The following GRIN2A variants were observed in gnomAD, a reference collection of about 807,000 sequenced individuals.
The protein encoded by GRIN2A is glutamate receptor ionotropic, NMDA 2A.
A neutral mutation model predicts 113.4 loss-of-function variants in GRIN2A; 22 were observed. The ratio of observed to expected loss-of-function variants is 0.19; its 90% CI spans 0.14 to 0.28. The LOEUF is 0.28. Among genes scored for constraint, GRIN2A ranks in the 10% least tolerant of loss-of-function variants. The probability of loss-of-function intolerance (pLI) is 1.00; values close to 1 mark genes in which losing one functional copy is unlikely to be tolerated. For missense variants in GRIN2A, 1,502 were observed against 1,887.0 expected, an observed-to-expected ratio of 0.80 and a Z score of 3.78; for synonymous variants, 827 against 738.4, an observed-to-expected ratio of 1.12 and a Z score of -1.94.
chr16:9,823,297 G>C (rs766594312), intron 9 of GRIN2A, among the ~76,000 whole-genome samples: 1 of 152,130 alleles, frequency 6.6e-6, no homozygotes, highest in Non-Finnish European at 1.5e-5. Context: ...GCAGGAGCTC[G>C]AACTGGCTGG....
At chr16:10,162,239 T>G (rs2049821453) in intron 2 of GRIN2A, among the ~76,000 whole-genome samples, 1 of 152,174 alleles carries the variant, frequency 6.6e-6, no homozygotes, top group Non-Finnish European at 1.5e-5. Context: ...GGAGCCCACA[T>G]GAGAAGAACA....
At chr16:10,137,348 G>A (rs1012954394) in intron 2 of GRIN2A, among the ~76,000 whole-genome samples, 1 of 152,128 alleles carries the variant, frequency 6.6e-6, no homozygotes, top group Admixed American at 6.5e-5. Flanking sequence ...TTGAAAGCAG[G>A]CCTGACTCTA....
At chr16:10,027,377 CT>C (rs536699857) in intron 2 of GRIN2A, among the ~76,000 whole-genome samples, 33 of 152,302 alleles carry the variant, frequency 2.2e-4, no homozygotes, top group African/African-American at 7.7e-4. Context: ...ATGTCCCCCC[CT>C]GCCAGTGCTC....
intron 2 of GRIN2A, among the ~76,000 whole-genome samples, chr16:10,121,074 A>G (rs1395108010): frequency 6.6e-6 from 1 of 152,162 alleles, no homozygotes; most frequent in East Asian, 1.9e-4. Flanking sequence ...GACTGGATAT[A>G]CTTTCATCGG....
chr16:9,833,317 A>G (rs764736916), intron 8 of GRIN2A, among the ~76,000 whole-genome samples: 18 of 152,212 alleles, frequency 1.2e-4, no homozygotes, highest in Non-Finnish European at 1.8e-4. Context: ...TCCTGGCATC[A>G]CCAACAGGAA....
chr16:9,799,180 T>C (rs1903200327), intron 10 of GRIN2A, among the ~76,000 whole-genome samples: 3 of 152,220 alleles, frequency 2.0e-5, no homozygotes, highest in Non-Finnish European at 4.4e-5. Context: ...TATTAAACTC[T>C]GCTGTTGTAG....
chr16:9,870,628 CTTTT>C (rs951273100), intron 4 of GRIN2A, among the ~76,000 whole-genome samples: 1 of 138,196 alleles, frequency 7.2e-6, no homozygotes, highest in African/African-American at 2.7e-5. Context: ...AACTTTTTTT[CTTTT>C]TTTTTTTTTT....
At position 9,761,301 on chromosome 16, in the gene GRIN2A, T is replaced by C. The variant is rs1039660744; in HGVS notation, c.*1848A>G. On this transcript the variant is annotated 3_prime_UTR_variant, in exon 13 of 13. Coordinates refer to ENST00000330684, the MANE Select transcript of GRIN2A (RefSeq NM_001134407.3). Reference sequence around the variant, plus strand: ...TACTTACAAAACAGAACGCACACCATGAGGAGAAGAAATGGGATAATTTTT... The same window carrying C: ...TACTTACAAAACAGAACGCACACCACGAGGAGAAGAAATGGGATAATTTTT... The C allele has an allele frequency of 4.4e-6, 1 of 228,358 alleles. No individual in the cohort carries two copies. The highest frequency in any genetic ancestry group is 2.2e-5 in the African/African-American group (1 of 45,020). 14.1% of individuals were successfully genotyped at this position (228,358 alleles called of 1,614,324 possible).
chr16:10,064,867 A>T (rs2047616849), intron 2 of GRIN2A, among the ~76,000 whole-genome samples: 1 of 152,218 alleles, frequency 6.6e-6, no homozygotes, highest in African/African-American at 2.4e-5. Context: ...CTGGTTGTTT[A>T]TGGCTGGCAA....
intron 3 of GRIN2A, among the ~76,000 whole-genome samples, chr16:9,891,548 A>G (rs952016699): frequency 6.6e-6 from 1 of 152,234 alleles, no homozygotes; most frequent in Non-Finnish European, 1.5e-5. Flanking sequence ...TTCAGGGTAA[A>G]TAAGAAAATG....
chr16:9,983,076 T>C (rs1211346249), intron 2 of GRIN2A, among the ~76,000 whole-genome samples: 1 of 152,194 alleles, frequency 6.6e-6, no homozygotes, highest in Non-Finnish European at 1.5e-5. Context: ...GCAAGGTAAT[T>C]AGCTTATCCA....
intron 3 of GRIN2A, among the ~76,000 whole-genome samples, chr16:9,899,405 A>C (rs1432273678): frequency 2.9e-5 from 4 of 136,318 alleles, no homozygotes; most frequent in African/African-American, 8.7e-5. Flanking sequence ...GCACCATTGC[A>C]CTCTAGCCTG....
intron 4 of GRIN2A, among the ~76,000 whole-genome samples, chr16:9,852,788 T>C (rs996309585): frequency 1.3e-5 from 2 of 152,208 alleles, no homozygotes; most frequent in African/African-American, 4.8e-5. Flanking sequence ...CCTGCCTATA[T>C]TCCTATTTAC....
chr16:9,978,648 T>A (rs1183392072), intron 2 of GRIN2A, among the ~76,000 whole-genome samples: 2 of 152,210 alleles, frequency 1.3e-5, no homozygotes, highest in Admixed American at 1.3e-4. Flanking sequence ...AAGTTCACTA[T>A]GAAAATGATC....
intron 2 of GRIN2A, among the ~76,000 whole-genome samples, chr16:10,143,019 A>G (rs946398185): frequency 6.6e-6 from 1 of 152,138 alleles, no homozygotes; most frequent in South Asian, 2.1e-4. Context: ...TATACTTAGG[A>G]TAGATTACCT....
chr16:9,851,898 G>T (rs987263179), intron 4 of GRIN2A, among the ~76,000 whole-genome samples: 2 of 152,174 alleles, frequency 1.3e-5, no homozygotes, highest in South Asian at 2.1e-4. Flanking sequence ...AACACATATG[G>T]TGGCTGCTAT....
At chr16:10,038,373 T>C (rs2047073116) in intron 2 of GRIN2A, among the ~76,000 whole-genome samples, 1 of 152,114 alleles carries the variant, frequency 6.6e-6, no homozygotes, top group Admixed American at 6.5e-5. Context: ...CTTTTCCTCC[T>C]CTTGTCTAGA....
rs965972343 is a variant in GRIN2A, at chr16:9,820,902, A to C, written c.2168+1362T>G. On this transcript the variant is annotated intron_variant, in intron 10 of 12. Coordinates refer to ENST00000330684, the MANE Select transcript of GRIN2A (RefSeq NM_001134407.3). ...AACCAGAATGAGCACTGTGGGAATG[A>C]GTTTTTCAGAAATCATAGACTTAAC... 2.0e-5 allele frequency among the ~76,000 whole-genome samples: 3 copies of C among 152,214 alleles called. No homozygotes were observed. The East Asian group carries it at 5.8e-4, about 29-fold the overall frequency.
chr16:10,154,783 A>G lies in GRIN2A; in HGVS notation c.414+25215T>C, dbSNP rs978674904. On this transcript the variant is annotated intron_variant, in intron 2 of 12. Coordinates refer to ENST00000330684, the MANE Select transcript of GRIN2A (RefSeq NM_001134407.3). Reference sequence around the variant, plus strand: ...AGATGAGTTTTGAAGGATATGAGACAGACAGAAATAGCAGCACAGACAAGT... The same window carrying G: ...AGATGAGTTTTGAAGGATATGAGACGGACAGAAATAGCAGCACAGACAAGT... 3.7e-4 allele frequency among the ~76,000 whole-genome samples: 57 copies of G among 152,226 alleles called. 1 individual carries two copies. The highest frequency in any genetic ancestry group is 3.3e-4 in the Admixed American group (5 of 15,282).
Sources: allele counts gnomAD v4.1 joint callset (sites outside exome capture counted in the v4.1 genomes callset), GRCh38; gene constraint gnomAD v4.1.1; transcripts MANE v1.5; gene names NCBI Gene and HGNC (gene_info 2026-07-23, HGNC 2026-07-21).